The following OTUD7A variants were observed in gnomAD, a reference collection of about 807,000 sequenced individuals.
OTUD7A encodes OTU deubiquitinase 7A, also known as OTU domain-containing protein 7A.
Under a neutral mutation model 65.7 loss-of-function variants are expected in OTUD7A, and 12 were observed. That is an observed-to-expected ratio of 0.18 (90% CI 0.12 to 0.30). The LOEUF (loss-of-function observed/expected upper bound fraction) is 0.30, where lower values mean the gene tolerates loss of function less well. Among genes scored for constraint, OTUD7A ranks in the 10% least tolerant of loss-of-function variants. The probability of loss-of-function intolerance (pLI) is 1.00; values close to 1 mark genes in which losing one functional copy is unlikely to be tolerated. For synonymous variants in OTUD7A, 641 were observed against 586.3 expected (o/e 1.09, Z -1.35); for missense variants, 1,148 against 1,304.8 (o/e 0.88, Z 1.85).
intron 1 of OTUD7A, among the ~76,000 whole-genome samples, chr15:31,715,810 C>A (rs1893567332): frequency 1.0e-5 from 1 of 98,262 alleles, no homozygotes; most frequent in African/African-American, 3.2e-5. Flanking sequence ...TCATCCTTTT[C>A]CTAACTCCAA....
At chr15:31,793,360 C>G (rs1895869409) in intron 1 of OTUD7A, among the ~76,000 whole-genome samples, 1 of 152,130 alleles carries the variant, frequency 6.6e-6, no homozygotes. Context: ...AGGCTTTTTC[C>G]TGCAGCCTCC....
At chr15:31,631,122 CT>C (rs1891136131) in intron 3 of OTUD7A, among the ~76,000 whole-genome samples, 1 of 152,118 alleles carries the variant, frequency 6.6e-6, no homozygotes, top group South Asian at 2.1e-4. Flanking sequence ...GTATTTGGTC[CT>C]GTCATTATGA....
At chr15:31,628,922 T>C (rs530250822) in intron 3 of OTUD7A, among the ~76,000 whole-genome samples, 1 of 152,350 alleles carries the variant, frequency 6.6e-6, no homozygotes, top group Non-Finnish European at 1.5e-5. Context: ...AGAATGCTTG[T>C]GATTTTTACA....
chr15:31,577,146 T>C (rs1228485267), intron 3 of OTUD7A, among the ~76,000 whole-genome samples: 1 of 152,214 alleles, frequency 6.6e-6, no homozygotes, highest in Non-Finnish European at 1.5e-5. Flanking sequence ...TAAATGGCTC[T>C]GCAAAGCTAT....
chr15:31,550,742 G>A (rs1888295100), intron 5 of OTUD7A, among the ~76,000 whole-genome samples: 1 of 152,176 alleles, frequency 6.6e-6, no homozygotes, highest in African/African-American at 2.4e-5. Context: ...AATTTGTTAG[G>A]CAGAAATAGA....
intron 3 of OTUD7A, among the ~76,000 whole-genome samples, chr15:31,573,939 C>T (rs1371349741): frequency 6.6e-6 from 1 of 152,030 alleles, no homozygotes; most frequent in East Asian, 1.9e-4. Flanking sequence ...CTACAGTTGA[C>T]AGGTCAAATA....
chr15:31,520,157 C>G (rs762301820), intron 8 of OTUD7A, among the ~76,000 whole-genome samples: 1 of 151,676 alleles, frequency 6.6e-6, no homozygotes, highest in Non-Finnish European at 1.5e-5. Context: ...TCATATGGAA[C>G]TAAAAAGGAG....
At chr15:31,563,871 C>A (rs149999068) in intron 4 of OTUD7A, among the ~76,000 whole-genome samples, 70 of 152,292 alleles carry the variant, frequency 4.6e-4, no homozygotes, top group African/African-American at 1.6e-3. Context: ...GCTTGAGTAC[C>A]CTTCCCCGAC....
chr15:31,528,401 G>C (rs1241671402), intron 6 of OTUD7A, among the ~76,000 whole-genome samples: 1 of 152,344 alleles, frequency 6.6e-6, no homozygotes, highest in East Asian at 1.9e-4. Context: ...AGGAGAGAGG[G>C]AGAGTGAAAA....
chr15:31,745,447 G>T (rs1458991039), intron 1 of OTUD7A, among the ~76,000 whole-genome samples: 2 of 152,140 alleles, frequency 1.3e-5, no homozygotes, highest in East Asian at 3.9e-4. Context: ...GAGGTAGAAG[G>T]CCTCAGCAGA....
At chr15:31,802,133 G>GTATATATA (rs1219526014) in intron 1 of OTUD7A, among the ~76,000 whole-genome samples, 89 of 117,272 alleles carry the variant, frequency 7.6e-4, no homozygotes, top group African/African-American at 2.7e-3. Flanking sequence ...GTGTGTGTGT[G>GTATATATA]TGTGTGTGTA....
chr15:31,775,580 C>T lies in OTUD7A; in HGVS notation c.-100+94927G>A, dbSNP rs114614977. The stretch of plus-strand genomic sequence containing the variant: ...TGCAAAAGCTTGAAGATCAACTGTG[C>T]AGATATCTAGGAGGAAAATACTCTT... On this transcript the variant is annotated intron_variant, in intron 1 of 12. Coordinates refer to ENST00000307050, the MANE Select transcript of OTUD7A (RefSeq NM_001382637.1). Among the ~76,000 whole-genome samples the T allele has an allele frequency of 6.2e-3, 946 of 152,238 alleles. 9 individuals are homozygous for T. The highest frequency in any genetic ancestry group is 0.021 in the African/African-American group (856 of 41,540).
intron 3 of OTUD7A, among the ~76,000 whole-genome samples, chr15:31,600,501 A>G (rs909126987): frequency 2.0e-5 from 3 of 152,246 alleles, no homozygotes; most frequent in African/African-American, 7.2e-5. Flanking sequence ...AGCCACTGCA[A>G]AAACATACCA....
intron 3 of OTUD7A, among the ~76,000 whole-genome samples, chr15:31,596,130 C>T (rs1411638474): frequency 6.6e-6 from 1 of 152,104 alleles, no homozygotes; most frequent in Non-Finnish European, 1.5e-5. Flanking sequence ...GTAACCAGAG[C>T]AGTGTTTGGC....
chr15:31,729,035 G>A (rs576970550), intron 1 of OTUD7A, among the ~76,000 whole-genome samples: 3 of 152,276 alleles, frequency 2.0e-5, no homozygotes, highest in South Asian at 2.1e-4. Flanking sequence ...TTGAGAGGGC[G>A]ACAGAAACCA....
At chr15:31,713,184 T>C (rs992090233) in intron 1 of OTUD7A, among the ~76,000 whole-genome samples, 14 of 152,182 alleles carry the variant, frequency 9.2e-5, no homozygotes, top group African/African-American at 3.4e-4. Flanking sequence ...ACAGTATACA[T>C]GAAAATCAAC....
chr15:31,704,526 C>G (rs954486748), intron 1 of OTUD7A, among the ~76,000 whole-genome samples: 1 of 149,196 alleles, frequency 6.7e-6, no homozygotes, highest in Admixed American at 6.7e-5. Flanking sequence ...TACAGTCACT[C>G]ATAGCAGTTT....
chr15:31,763,338 A>C (rs374258600), intron 1 of OTUD7A, among the ~76,000 whole-genome samples: 90 of 152,348 alleles, frequency 5.9e-4, no homozygotes, highest in African/African-American at 2.1e-3. Context: ...TAAAGAAAAA[A>C]GATATAAAGA....
chr15:31,849,256 A>G (rs967196469), intron 1 of OTUD7A, among the ~76,000 whole-genome samples: 22 of 152,356 alleles, frequency 1.4e-4, no homozygotes, highest in African/African-American at 5.1e-4. Flanking sequence ...CCACACATCT[A>G]CAACCATCTG....
Sources: gnomAD v4.1 joint callset for allele counts (sites outside exome capture counted in the v4.1 genomes callset) on GRCh38, gnomAD v4.1.1 for gene constraint, MANE v1.5 for transcripts, NCBI Gene and HGNC (gene_info 2026-07-23, HGNC 2026-07-21) for gene names.